CNGB3: variants seen among roughly 807,000 people sequenced by gnomAD.
The protein encoded by CNGB3 is cyclic nucleotide-gated channel beta-3.
In CNGB3, 86 loss-of-function variants were observed where a neutral mutation model predicts 92.8. That is an observed-to-expected ratio of 0.93 (90% CI 0.78 to 1.11). CNGB3 has a LOEUF of 1.11. Among genes scored for constraint, CNGB3 ranks in the 50% least tolerant of loss-of-function variants. The probability of loss-of-function intolerance (pLI) is 0.00; values close to 1 mark genes in which losing one functional copy is unlikely to be tolerated. For synonymous variants in CNGB3, 333 were observed against 332.7 expected (o/e 1.00, Z -0.01); for missense variants, 1,026 against 956.8 (o/e 1.07, Z -0.95).
At chr8:86,641,708 T>G (rs1459665331) in intron 10 of CNGB3, among the ~76,000 whole-genome samples, 1 of 151,974 alleles carries the variant, frequency 6.6e-6, no homozygotes, top group Non-Finnish European at 1.5e-5. Flanking sequence ...CACACTCATT[T>G]TCTATTGTAC....
chr8:86,661,897 G>T (rs956261473), intron 6 of CNGB3: 1 of 852,320 alleles, frequency 1.2e-6, no homozygotes, highest in Non-Finnish European at 2.0e-6. Flanking sequence ...AACCATATTG[G>T]TGAAAAAGAT....
chr8:86,703,220 C>A lies in CNGB3; in HGVS notation c.338+23311G>T, dbSNP rs185596514. On this transcript the variant is annotated intron_variant, in intron 3 of 17. Coordinates refer to ENST00000320005, the MANE Select transcript of CNGB3 (RefSeq NM_019098.5). ...AGACTAATTAATTTTTCACATATAT[C>A]CAAATATTTATAATAACATGGGACT... Among the ~76,000 whole-genome samples the A allele has an allele frequency of 6.6e-5, 10 of 151,752 alleles. No homozygotes were observed. In the East Asian group the frequency reaches 1.6e-3, roughly 24 times the overall value.
chr8:86,689,323 G>A (rs565324078), intron 3 of CNGB3, among the ~76,000 whole-genome samples: 2 of 151,828 alleles, frequency 1.3e-5, no homozygotes, highest in Admixed American at 1.3e-4. Context: ...TAAGTCCAAT[G>A]TTTCTTTGTT....
At chr8:86,719,978 C>T (rs1225619739) in intron 3 of CNGB3, among the ~76,000 whole-genome samples, 2 of 152,104 alleles carry the variant, frequency 1.3e-5, no homozygotes, top group African/African-American at 4.8e-5. Context: ...TGGTCTCTCA[C>T]CTTATACAAA....
At chr8:86,597,286 C>T (rs970083994) in intron 15 of CNGB3, among the ~76,000 whole-genome samples, 37 of 152,180 alleles carry the variant, frequency 2.4e-4, no homozygotes, top group Non-Finnish European at 4.6e-4. Context: ...AGCCAGGGCT[C>T]ATGGCTCAGA....
chr8:86,735,523 G>C (rs949508343), intron 2 of CNGB3, among the ~76,000 whole-genome samples: 1 of 152,086 alleles, frequency 6.6e-6, no homozygotes, highest in Non-Finnish European at 1.5e-5. Flanking sequence ...TGTCTGACGG[G>C]CTGTGTTCCT....
chr8:86,580,194 G>T (rs931862712), intron 15 of CNGB3, among the ~76,000 whole-genome samples: 3 of 150,712 alleles, frequency 2.0e-5, no homozygotes, highest in African/African-American at 4.9e-5. Flanking sequence ...ATAGCACGGG[G>T]GGGGTGGCGG....
At chr8:86,642,862 C>T (rs1284551904) in intron 10 of CNGB3, among the ~76,000 whole-genome samples, 2 of 151,540 alleles carry the variant, frequency 1.3e-5, no homozygotes, top group East Asian at 3.9e-4. Flanking sequence ...ATCCTCGTTA[C>T]TCTCTAAGTG....
intron 3 of CNGB3, among the ~76,000 whole-genome samples, chr8:86,709,083 A>G (rs1384835132): frequency 1.3e-5 from 2 of 152,206 alleles, no homozygotes; most frequent in Non-Finnish European, 2.9e-5. Flanking sequence ...GAAATGATCC[A>G]ACAAAGAGAA....
intron 15 of CNGB3, chr8:86,594,317 C>T: frequency 3.1e-6 from 1 of 322,002 alleles, no homozygotes; most frequent in Non-Finnish European, 6.0e-6. Context: ...GAAGTCTACA[C>T]CTGAGTCTGA....
intron 3 of CNGB3, among the ~76,000 whole-genome samples, chr8:86,718,603 G>A (rs1381904385): frequency 6.6e-6 from 1 of 152,094 alleles, no homozygotes. Context: ...AGAAGAGTTG[G>A]TACCAATCCT....
At chr8:86,697,847 T>C (rs1824479237) in intron 3 of CNGB3, among the ~76,000 whole-genome samples, 1 of 150,992 alleles carries the variant, frequency 6.6e-6, no homozygotes, top group South Asian at 2.1e-4. Flanking sequence ...TGTGTCCTAG[T>C]GTTCTCATTG....
chr8:86,735,683 T>C (rs1825238897), intron 2 of CNGB3, among the ~76,000 whole-genome samples: 1 of 152,182 alleles, frequency 6.6e-6, no homozygotes, highest in Non-Finnish European at 1.5e-5. Flanking sequence ...ACTCTCCTGC[T>C]TCAACTCTTA....
At chr8:86,617,092 A>G (rs7829545) in intron 13 of CNGB3, among the ~76,000 whole-genome samples, 149,302 of 152,318 alleles carry the variant, frequency 0.98, 73,178 homozygotes, top group East Asian at 1. Flanking sequence ...TGAGGATATT[A>G]GAGATTTGAA....
At chr8:86,584,360 C>A (rs1477008673) in intron 15 of CNGB3, among the ~76,000 whole-genome samples, 5 of 152,120 alleles carry the variant, frequency 3.3e-5, no homozygotes, top group Non-Finnish European at 7.4e-5. Context: ...TAATTTGAAC[C>A]TGAGAATATC....
At chr8:86,738,022 C>T (rs1825275324) in intron 2 of CNGB3, among the ~76,000 whole-genome samples, 1 of 152,128 alleles carries the variant, frequency 6.6e-6, no homozygotes, top group Admixed American at 6.5e-5. Flanking sequence ...CTAGTAAAAG[C>T]TCAATTGTGC....
intron 10 of CNGB3, among the ~76,000 whole-genome samples, chr8:86,634,192 G>A (rs1297470415): frequency 6.6e-6 from 1 of 152,118 alleles, no homozygotes; most frequent in African/African-American, 2.4e-5. Flanking sequence ...TATCCATTCA[G>A]TAGAAACCAT....
At chr8:86,685,715 A>G (rs1462473184) in intron 3 of CNGB3, among the ~76,000 whole-genome samples, 1 of 152,126 alleles carries the variant, frequency 6.6e-6, no homozygotes, top group East Asian at 1.9e-4. Context: ...ACAAATTATG[A>G]CTGAGCTAAC....
In CNGB3 at chr8:86,575,679, C is replaced by A; in HGVS notation, c.*125G>T. Reference sequence around the variant, plus strand: ...TCTCAGATAAGTCCTAGAAACTAAGCTAGGGATTTGCCTTTCGTTTCTCAA... The same window carrying A: ...TCTCAGATAAGTCCTAGAAACTAAGATAGGGATTTGCCTTTCGTTTCTCAA... On this transcript the variant is annotated 3_prime_UTR_variant, in exon 18 of 18. Coordinates refer to ENST00000320005, the MANE Select transcript of CNGB3 (RefSeq NM_019098.5). 1 of 745,890 alleles carries A rather than the reference C, an allele frequency of 1.3e-6. No individual in the cohort carries two copies. The highest frequency in any genetic ancestry group is 1.8e-5 in the South Asian group (1 of 54,662). 46.2% of individuals were successfully genotyped at this position (745,890 alleles called of 1,614,324 possible). A position where few individuals can be genotyped will look rare whatever the true frequency, so the allele number is the denominator to read the frequency against.
Sources: gnomAD v4.1 joint callset for allele counts (sites outside exome capture counted in the v4.1 genomes callset) on GRCh38, gnomAD v4.1.1 for gene constraint, MANE v1.5 for transcripts, NCBI Gene and HGNC (gene_info 2026-07-23, HGNC 2026-07-21) for gene names.